Variants in PIEZO2 observed in about 807,000 individuals in gnomAD.
PIEZO2 encodes piezo type mechanosensitive ion channel component 2, also known as piezo-type mechanosensitive ion channel component 2.
Under a neutral mutation model 337.3 loss-of-function variants are expected in PIEZO2, and 172 were observed. The observed-to-expected ratio is 0.51, with a 90% CI of 0.45 to 0.58. The LOEUF (loss-of-function observed/expected upper bound fraction) is 0.58, where lower values mean the gene tolerates loss of function less well. PIEZO2 is among the 20% of genes least tolerant of loss of function. PIEZO2 has a pLI of 0.00. For synonymous variants in PIEZO2, 1,251 were observed against 1,228.5 expected (o/e 1.02, Z -0.38); for missense variants, 3,028 against 3,391.3 (o/e 0.89, Z 2.66).
In PIEZO2 at chr18:10,787,164, C is replaced by T. The variant is rs775693833; in HGVS notation, c.2190G>A (p.Arg730=). The change falls in exon 16 of 56, where the codon AGG becomes AGA. Residue 730 remains arginine, a synonymous_variant. Transcript: ENST00000674853. The part of the protein sequence containing the change: ...ALYQVHYEWW[R]KILKYFWMSV... ...ACATCCAAAAATATTTTAGAATTTT[C>T]CTCCACCATTCATAGTGCACCTGCA... is the stretch of plus-strand genomic sequence containing the variant. The T allele has an allele frequency of 2.5e-5, 39 of 1,530,944 alleles. No individual in the cohort carries two copies. The highest frequency in any genetic ancestry group is 3.6e-5 in the South Asian group (3 of 82,594). 94.8% of individuals were successfully genotyped at this position (1,530,944 alleles called of 1,614,324 possible).
chr18:10,803,796 T>C, intron 9 of PIEZO2, 79 bp downstream of exon 9: 2 of 1,480,006 alleles, frequency 1.4e-6, no homozygotes, highest in South Asian at 1.3e-5. Flanking sequence ...ATATATATGA[T>C]ATTATAAGGC....
chr18:11,017,555 A>C (rs1387936843), intron 2 of PIEZO2, among the ~76,000 whole-genome samples: 1 of 151,184 alleles, frequency 6.6e-6, no homozygotes, highest in East Asian at 1.9e-4. Flanking sequence ...TATTTCAATC[A>C]TTCCAGGGAT....
chr18:10,857,076 T>C lies in PIEZO2; in HGVS notation c.628A>G (p.Lys210Glu). The C allele has an allele frequency of 6.5e-7, 1 of 1,537,436 alleles. No homozygotes were observed. Among genetic ancestry groups the C allele is most frequent in the Non-Finnish European group, 8.7e-7 (1 of 1,146,946 alleles). The change falls in exon 6 of 56, where the codon AAG (lysine) becomes GAG (glutamate). Residue 210 changes from lysine to glutamate, a missense_variant. By Grantham distance (56) the Lys-to-Glu change is moderately conservative (BLOSUM62 1). Transcript: ENST00000674853. ...ATGTTGCCAATGAACTCCTTGAGCT[T>C]AGAGGCCACAGAGGCAAGCCTGCGG... ...MFRRLASVASKLKEFIGNMIT... is the reference protein window; with the variant it reads ...MFRRLASVASELKEFIGNMIT...
At position 10,797,444 on chromosome 18, in the gene PIEZO2, A is replaced by G; in HGVS notation, c.1457T>C (p.Val486Ala). The G allele has an allele frequency of 6.5e-7, 1 of 1,537,176 alleles. No individual in the cohort carries two copies. Residue 486 changes from valine to alanine, a missense_variant, in exon 12 of 56, where the codon GTT (valine) becomes GCT (alanine). Val to Ala is a moderately conservative substitution (Grantham distance 64). Around this residue, in one of 5 missense-constraint regions of PIEZO2, gnomAD observed 542 missense variants for 605.6 expected, o/e 0.89. Transcript: ENST00000674853. ...RSREEKRSIKVHAMVSVFQFI... is the reference protein window; with the variant it reads ...RSREEKRSIKAHAMVSVFQFI... Reference sequence around the variant, plus strand: ...TTGGAATACGGAGACCATGGCATGAACTTTGATACTTCTTTTTTCCTCACG... The same window carrying G: ...TTGGAATACGGAGACCATGGCATGAGCTTTGATACTTCTTTTTTCCTCACG...
chr18:10,788,999 G>T, intron 15 of PIEZO2, 80 bp downstream of exon 15: 1 of 1,379,944 alleles, frequency 7.2e-7, no homozygotes, highest in Non-Finnish European at 9.6e-7. Context: ...AGATTCTAGT[G>T]ATTTAAAATC....
intron 27 of PIEZO2, 55 bp downstream of exon 27, chr18:10,757,914 G>A: frequency 7.0e-7 from 1 of 1,433,926 alleles, no homozygotes; most frequent in South Asian, 1.4e-5. Flanking sequence ...GAGGAGCAAT[G>A]TAATGGAAAT....
rs552552418 is a variant in PIEZO2, at chr18:11,116,775, C to T, written c.64+31750G>A. On this transcript the variant is annotated intron_variant, in intron 1 of 55. Coordinates refer to ENST00000674853, the MANE Select transcript of PIEZO2 (RefSeq NM_001378183.1). The surrounding 1 kb of genome is among the most constrained non-coding windows in gnomAD (Gnocchi z 5.0). ...ATCTACTGAATGTTACTCCATCTAACTGTATAGCACAGTAGGGTGACTATA... is the reference window on the plus strand; with the variant it reads ...ATCTACTGAATGTTACTCCATCTAATTGTATAGCACAGTAGGGTGACTATA... 8.3e-4 allele frequency among the ~76,000 whole-genome samples: 126 copies of T among 151,588 alleles called. 1 individual carries two copies. Among genetic ancestry groups the T allele is most frequent in the African/African-American group, 2.9e-3 (119 of 41,304 alleles).
intron 1 of PIEZO2, among the ~76,000 whole-genome samples, chr18:11,089,898 T>C (rs925689756): frequency 2.3e-4 from 35 of 152,318 alleles, no homozygotes; most frequent in African/African-American, 7.7e-4. Flanking sequence ...TCCAGGCCAT[T>C]TCGAGGCCTA....
At chr18:11,138,712 T>C (rs2040557299) in intron 1 of PIEZO2, among the ~76,000 whole-genome samples, 1 of 152,218 alleles carries the variant, frequency 6.6e-6, no homozygotes, top group African/African-American at 2.4e-5. Flanking sequence ...GGCAAGACAG[T>C]GCTCCTACAA....
In PIEZO2 at chr18:11,127,733, A is replaced by G. The variant is rs1006175619; in HGVS notation, c.64+20792T>C. ...CATGTATATATATACACACATATAT[A>G]TGTATGTGTATATATATGACATATA... On this transcript the variant is annotated intron_variant, in intron 1 of 55. Transcript: ENST00000674853. This position sits in a 1 kb window ranked among gnomAD's most constrained non-coding sequence, Gnocchi z 4.5. Among the ~76,000 whole-genome samples, 3 of 151,386 alleles carry G rather than the reference A, an allele frequency of 2.0e-5. No homozygotes were observed. In the Admixed American group the frequency reaches 2.0e-4, roughly 10 times the overall value.
At chr18:10,904,715 G>A (rs1018550242) in intron 4 of PIEZO2, among the ~76,000 whole-genome samples, 3 of 152,264 alleles carry the variant, frequency 2.0e-5, no homozygotes, top group Non-Finnish European at 2.9e-5. Flanking sequence ...AGGCACTGGA[G>A]AAGAGCCACA....
rs2034977860 is a variant in PIEZO2, at chr18:10,988,752, C to A, written c.161-9092G>T. 1.3e-5 allele frequency among the ~76,000 whole-genome samples: 2 copies of A among 152,060 alleles called. No homozygotes were observed. Among genetic ancestry groups the A allele is most frequent in the African/African-American group, 4.8e-5 (2 of 41,412 alleles). On this transcript the variant is annotated intron_variant, in intron 2 of 55. Transcript: ENST00000674853. The surrounding 1 kb of genome is among the most constrained non-coding windows in gnomAD (Gnocchi z 4.8). ...TACATAGAATATTATTCATCCTTAA[C>A]AAAGAAGGAAATCATGCCATTTGCA...
intron 7 of PIEZO2, among the ~76,000 whole-genome samples, chr18:10,812,087 C>T (rs1048982740): frequency 1.3e-5 from 2 of 152,264 alleles, no homozygotes; most frequent in African/African-American, 4.8e-5. Flanking sequence ...CCCGCCTTGG[C>T]TTCCCAAAGT....
At chr18:10,976,763 A>G (rs2034454405) in intron 3 of PIEZO2, among the ~76,000 whole-genome samples, 1 of 152,164 alleles carries the variant, frequency 6.6e-6, no homozygotes, top group South Asian at 2.1e-4. Context: ...CAAAGCCCAT[A>G]TATTTAGGAG....
chr18:10,957,226 A>G (rs1425371546), intron 3 of PIEZO2, among the ~76,000 whole-genome samples: 6 of 151,302 alleles, frequency 4.0e-5, no homozygotes, highest in African/African-American at 1.5e-4. Context: ...GTAAAACTCC[A>G]TCTCTACTAA....
At chr18:10,938,217 C>T (rs2145230981) in intron 3 of PIEZO2, among the ~76,000 whole-genome samples, 1 of 152,334 alleles carries the variant, frequency 6.6e-6, no homozygotes, top group Middle Eastern at 3.4e-3. Flanking sequence ...GGCCATTGGT[C>T]TTAGACCTCT....
At chr18:11,004,301 T>C (rs1424977992) in intron 2 of PIEZO2, among the ~76,000 whole-genome samples, 1 of 152,144 alleles carries the variant, frequency 6.6e-6, no homozygotes, top group African/African-American at 2.4e-5. Context: ...CAGACACAAC[T>C]TCCAAATTTC....
intron 3 of PIEZO2, among the ~76,000 whole-genome samples, chr18:10,970,988 A>T (rs1429822978): frequency 6.6e-6 from 1 of 152,170 alleles, no homozygotes; most frequent in Non-Finnish European, 1.5e-5. Context: ...GGCAATTTCC[A>T]CCGATGGGAA....
chr18:10,885,195 C>A (rs1019013703), intron 4 of PIEZO2, among the ~76,000 whole-genome samples: 1 of 152,010 alleles, frequency 6.6e-6, no homozygotes, highest in African/African-American at 2.4e-5. Context: ...GAGGCCGAGG[C>A]GGGCGGATCA....
Sources: allele counts gnomAD v4.1 joint callset (sites outside exome capture counted in the v4.1 genomes callset), GRCh38; gene constraint gnomAD v4.1.1; regional missense constraint gnomAD v4.1.1; non-coding constraint Gnocchi (gnomAD v3.1); transcripts MANE v1.5; gene names NCBI Gene and HGNC (gene_info 2026-07-23, HGNC 2026-07-21).